The following GLP1R variants were observed in gnomAD, a reference collection of about 807,000 sequenced individuals.
The protein encoded by GLP1R is glucagon-like peptide 1 receptor.
A neutral mutation model predicts 68.4 loss-of-function variants in GLP1R; 32 were observed. That is an observed-to-expected ratio of 0.47 (90% confidence interval 0.35 to 0.63). The LOEUF (loss-of-function observed/expected upper bound fraction) is 0.63, where lower values mean the gene tolerates loss of function less well. Among genes scored for constraint, GLP1R ranks in the 20% least tolerant of loss-of-function variants. GLP1R has a pLI of 0.00. For missense variants in GLP1R, 502 were observed against 594.9 expected (o/e 0.84, Z 1.62); for synonymous variants, 263 against 244.4 (o/e 1.08, Z -0.71).
rs1407083007 is a variant in GLP1R, at chr6:39,079,785, A to T, written c.1182+83A>T. ...CACCAGCCTGCATCATGCAGATGGAAAAGGTGGGAAGACTGGGACCTGGAG... is the reference window on the plus strand; with the variant it reads ...CACCAGCCTGCATCATGCAGATGGATAAGGTGGGAAGACTGGGACCTGGAG... On this transcript the variant is annotated intron_variant, in intron 11 of 12. Transcript: ENST00000373256. This position sits in a 1 kb window ranked among gnomAD's most constrained non-coding sequence, Gnocchi z 4.5. 10 of 1,298,576 alleles carry T rather than the reference A, an allele frequency of 7.7e-6. No homozygotes were observed. In the Admixed American group the frequency reaches 1.9e-4, roughly 24 times the overall value. 80.4% of individuals were successfully genotyped at this position (1,298,576 alleles called of 1,614,324 possible). A position where few individuals can be genotyped will look rare whatever the true frequency, so the allele number is the denominator to read the frequency against.
chr6:39,068,404 C>T (rs1366815685), intron 5 of GLP1R, among the ~76,000 whole-genome samples: 8 of 152,062 alleles, frequency 5.3e-5, no homozygotes, highest in African/African-American at 1.7e-4. Context: ...AGAATCTTGC[C>T]CCCCATGACT....
intron 3 of GLP1R, 57 bp downstream of exon 3, chr6:39,057,636 C>G: frequency 2.0e-6 from 2 of 992,286 alleles, no homozygotes; most frequent in Non-Finnish European, 3.0e-6. Flanking sequence ...GAACCCCCTC[C>G]CCGACCTGGT....
intron 5 of GLP1R, among the ~76,000 whole-genome samples, chr6:39,071,462 G>A (rs986885773): frequency 1.3e-5 from 2 of 151,428 alleles, no homozygotes; most frequent in Non-Finnish European, 2.9e-5. Context: ...GCTCTTCCTT[G>A]TGGTTCTTTG....
intron 5 of GLP1R, among the ~76,000 whole-genome samples, chr6:39,070,239 T>G (rs910278558): frequency 6.6e-6 from 1 of 152,214 alleles, no homozygotes; most frequent in Non-Finnish European, 1.5e-5. Flanking sequence ...CATAGAAATA[T>G]TTTTCTGTAA....
rs141576120 is a variant in GLP1R, at chr6:39,089,637, C to A, written c.*3564C>A. 6.7e-3 allele frequency among the ~76,000 whole-genome samples: 1,026 copies of A among 152,152 alleles called. 12 individuals are homozygous for A. Among genetic ancestry groups the A allele is most frequent in the Admixed American group, 6.6e-3 (101 of 15,288 alleles). ...GGGCGTGTGTGTGTGTATGTGTGTG[C>A]ATGTGTGTGTGCATGTTTCTTCTGT... is the stretch of plus-strand genomic sequence containing the variant. On this transcript the variant is annotated 3_prime_UTR_variant, in exon 13 of 13. Transcript: ENST00000373256. This position sits in a 1 kb window ranked among gnomAD's most constrained non-coding sequence, Gnocchi z 4.1.
At chr6:39,056,702 C>T (rs1258828843) in intron 2 of GLP1R, among the ~76,000 whole-genome samples, 6 of 152,214 alleles carry the variant, frequency 3.9e-5, no homozygotes, top group African/African-American at 9.6e-5. Flanking sequence ...TCAAAGTCCG[C>T]GGAAGCACTG....
chr6:39,051,759 T>G (rs1015634086), intron 1 of GLP1R, among the ~76,000 whole-genome samples: 2 of 152,050 alleles, frequency 1.3e-5, no homozygotes. Flanking sequence ...TGAGTGACCC[T>G]GTGTGTAACA....
intron 1 of GLP1R, among the ~76,000 whole-genome samples, chr6:39,055,724 G>A (rs1028307781): frequency 2.0e-5 from 3 of 151,292 alleles, no homozygotes; most frequent in African/African-American, 7.4e-5. Flanking sequence ...CACGGGGAGG[G>A]GGTGGGGGGT....
At position 39,090,023 on chromosome 6, in the gene GLP1R, C is replaced by A. The variant is rs1462817731; in HGVS notation, c.*3950C>A. Among the ~76,000 whole-genome samples the A allele has an allele frequency of 2.0e-5, 3 of 152,144 alleles. No homozygotes were observed. The highest frequency in any genetic ancestry group is 4.4e-5 in the Non-Finnish European group (3 of 68,028). On this transcript the variant is annotated 3_prime_UTR_variant, in exon 13 of 13. Coordinates refer to ENST00000373256, the MANE Select transcript of GLP1R (RefSeq NM_002062.5). ...AAACCAAATTAGGATCAACTCTTAA[C>A]ATTTTTTCCCTCTTTTGTGGCTGGA... is the stretch of plus-strand genomic sequence containing the variant.
chr6:39,077,695 C>T (rs1008769379), intron 7 of GLP1R, among the ~76,000 whole-genome samples: 3 of 151,884 alleles, frequency 2.0e-5, no homozygotes, highest in African/African-American at 7.3e-5. Flanking sequence ...TAGAGGCTGT[C>T]TACTACACAA....
intron 1 of GLP1R, among the ~76,000 whole-genome samples, chr6:39,053,117 A>G (rs1363181961): frequency 6.6e-6 from 1 of 152,060 alleles, no homozygotes. Context: ...TGCCCTTCCC[A>G]TGGCCCTTTA....
At chr6:39,052,518 A>C (rs1768110173) in intron 1 of GLP1R, among the ~76,000 whole-genome samples, 1 of 152,122 alleles carries the variant, frequency 6.6e-6, no homozygotes, top group Non-Finnish European at 1.5e-5. Flanking sequence ...CGTCACCAAA[A>C]TGGTCCCCAG....
In GLP1R at chr6:39,086,175, ACAC is replaced by A. The variant is rs1769141308; in HGVS notation, c.*103_*105del. On this transcript the variant is annotated 3_prime_UTR_variant, in exon 13 of 13. Transcript: ENST00000373256. This position sits in a 1 kb window ranked among gnomAD's most constrained non-coding sequence, Gnocchi z 4.5. ...GACAAGGGAAGGAAGGGACACACAC[ACAC>A]ACACACACACACACACACACACACA... 3 of 631,118 alleles carry A rather than the reference ACAC, an allele frequency of 4.8e-6. No individual in the cohort carries two copies. The highest frequency in any genetic ancestry group is 8.0e-6 in the Non-Finnish European group (3 of 375,506). The allele number at this position is 631,118 out of a possible 1,614,324, so 39.1% of individuals were successfully genotyped here. A position where few individuals can be genotyped will look rare whatever the true frequency, so the allele number is the denominator to read the frequency against.
chr6:39,048,893 TGGGCA>T lies in GLP1R; in HGVS notation c.58_62del (p.Ala21ProfsTer30). The T allele has an allele frequency of 6.9e-7, 1 of 1,459,210 alleles. No individual in the cohort carries two copies. Among genetic ancestry groups the T allele is most frequent in the Non-Finnish European group, 9.0e-7 (1 of 1,111,188 alleles). The allele number at this position is 1,459,210 out of a possible 1,614,324, so 90.4% of individuals were successfully genotyped here. ...CTTGCGCTGCTGCTGCTCGGGATGGTGGGCAGGGCCGGCCCCCGCCCCCAGGTGAG... is the reference window on the plus strand; with the variant it reads ...CTTGCGCTGCTGCTGCTCGGGATGGTGGGCCGGCCCCCGCCCCCAGGTGAG... On this transcript the variant is annotated frameshift_variant, in exon 1 of 13. Coordinates refer to ENST00000373256, the MANE Select transcript of GLP1R (RefSeq NM_002062.5). LOFTEE classifies it high-confidence loss of function.
intron 1 of GLP1R, among the ~76,000 whole-genome samples, chr6:39,051,045 T>C (rs1223866102): frequency 6.6e-6 from 1 of 152,168 alleles, no homozygotes; most frequent in Non-Finnish European, 1.5e-5. Context: ...CTTTCATTGC[T>C]GCTGGGAAGG....
chr6:39,080,057 T>C (rs187456957), intron 11 of GLP1R, among the ~76,000 whole-genome samples: 1 of 152,246 alleles, frequency 6.6e-6, no homozygotes, highest in East Asian at 1.9e-4. Flanking sequence ...TTAGCCTCAC[T>C]TTACAGAGGA....
rs184814668 is a variant in GLP1R, at chr6:39,073,254, C to T, written c.663+239C>T. ...AGGAGACACTGCCCTAGGGAATTCT[C>T]AGTCTGACACAAAAGAGTAGTCTTT... is the stretch of plus-strand genomic sequence containing the variant. On this transcript the variant is annotated intron_variant, in intron 6 of 12. Coordinates refer to ENST00000373256, the MANE Select transcript of GLP1R (RefSeq NM_002062.5). 2.0e-5 allele frequency among the ~76,000 whole-genome samples: 3 copies of T among 152,314 alleles called. No homozygotes were observed. In the East Asian group the frequency reaches 5.8e-4, roughly 29 times the overall value.
At chr6:39,062,242 C>T (rs1583623549) in intron 3 of GLP1R, among the ~76,000 whole-genome samples, 1 of 152,190 alleles carries the variant, frequency 6.6e-6, no homozygotes, top group Non-Finnish European at 1.5e-5. Context: ...CATGTGGCTG[C>T]CCTGCTGCCT....
intron 7 of GLP1R, among the ~76,000 whole-genome samples, chr6:39,074,557 A>T (rs1263420334): frequency 2.0e-5 from 3 of 151,970 alleles, no homozygotes; most frequent in Non-Finnish European, 4.4e-5. Flanking sequence ...CATTGAATCC[A>T]TGAGTTTTCC....
Sources: gnomAD v4.1 joint callset for allele counts (sites outside exome capture counted in the v4.1 genomes callset) on GRCh38, gnomAD v4.1.1 for gene constraint, Gnocchi (gnomAD v3.1) non-coding constraint, MANE v1.5 for transcripts, NCBI Gene and HGNC (gene_info 2026-07-23, HGNC 2026-07-21) for gene names.